The following CATSPERD variants were observed in gnomAD, a reference collection of about 807,000 sequenced individuals.
CATSPERD encodes the protein catsper channel auxiliary subunit delta.
CATSPERD carries 86 observed loss-of-function variants against 98.1 expected under a neutral mutation model. That is an observed-to-expected ratio of 0.88 (90% CI 0.74 to 1.05). CATSPERD has a LOEUF of 1.05. CATSPERD is among the 50% of genes least tolerant of loss of function. CATSPERD has a pLI of 0.00. For synonymous variants in CATSPERD, 394 were observed against 390.2 expected, an observed-to-expected ratio of 1.01 and a Z score of -0.12; for missense variants, 995 against 1,005.7, an observed-to-expected ratio of 0.99 and a Z score of 0.14.
chr19:5,770,798 G>T, intron 18 of CATSPERD, 146 bp from the exon 19 acceptor site: 1 of 915,394 alleles, frequency 1.1e-6, no homozygotes, highest in East Asian at 2.5e-5. Flanking sequence ...TCTGGTCCAT[G>T]GCTCTCAATC....
At chr19:5,776,119 C>T (rs765169514) in intron 20 of CATSPERD, 42 bp from the exon 21 acceptor site, 2 of 1,602,004 alleles carry the variant, frequency 1.2e-6, no homozygotes, top group East Asian at 2.2e-5. Flanking sequence ...GGGCCCCCTC[C>T]CCAGTCCCTA....
chr19:5,776,924 G>A (rs939110871), intron 21 of CATSPERD, among the ~76,000 whole-genome samples: 1 of 151,712 alleles, frequency 6.6e-6, no homozygotes, highest in Non-Finnish European at 1.5e-5. Flanking sequence ...TCAATTTCAT[G>A]TCAGTGGCTT....
Position 5,747,008 on chromosome 19 carries a change from G to T in CATSPERD, c.808+945G>T, listed in dbSNP as rs1237826451. On this transcript the variant is annotated intron_variant, in intron 9 of 21. Coordinates refer to ENST00000381624, the MANE Select transcript of CATSPERD (RefSeq NM_152784.4). ...CAGGCATGTGCCACCATGCCTGGCT[G>T]ATTTTTTTGTATTTTTTGTAGAGAC... Among the ~76,000 whole-genome samples, 7 of 151,322 alleles carry T rather than the reference G, an allele frequency of 4.6e-5. No individual in the cohort carries two copies. In the South Asian group the frequency reaches 6.3e-4, roughly 14 times the overall value.
chr19:5,765,567 T>G (rs1303719864), intron 16 of CATSPERD, among the ~76,000 whole-genome samples: 1 of 152,052 alleles, frequency 6.6e-6, no homozygotes, highest in Non-Finnish European at 1.5e-5. Flanking sequence ...TTCCTAGCAC[T>G]TTGGGAGGCC....
chr19:5,773,635 G>A (rs1365312008), intron 20 of CATSPERD, among the ~76,000 whole-genome samples: 6 of 151,202 alleles, frequency 4.0e-5, no homozygotes, highest in African/African-American at 1.5e-4. Context: ...TCCCACTTCA[G>A]CCTCCCAATT....
intron 16 of CATSPERD, among the ~76,000 whole-genome samples, chr19:5,765,405 T>TATTCATTCATTCATTC: frequency 7.1e-6 from 1 of 141,088 alleles, no homozygotes; most frequent in East Asian, 2.0e-4. Context: ...GCCATTGATT[T>TATTCATTCATTCATTC]ATTCATTCAT....
chr19:5,746,870 T>C (rs991610352), intron 9 of CATSPERD, among the ~76,000 whole-genome samples: 1 of 151,990 alleles, frequency 6.6e-6, no homozygotes, highest in East Asian at 1.9e-4. Flanking sequence ...CGAGTCCTGA[T>C]TGTACTTCTG....
intron 16 of CATSPERD, among the ~76,000 whole-genome samples, chr19:5,764,146 ACCTGGTCTTGAACT>A (rs1028754850): frequency 1.0e-4 from 15 of 147,896 alleles, no homozygotes; most frequent in Non-Finnish European, 1.9e-4. Flanking sequence ...ACTGCGCCCA[ACCTGGTCTTGAACT>A]CCTGGTCTTG....
intron 4 of CATSPERD, 37 bp downstream of exon 4, chr19:5,729,981 A>G (rs765098805): frequency 6.0e-6 from 7 of 1,166,056 alleles, no homozygotes; most frequent in Middle Eastern, 1.9e-4. Context: ...GGATGCTAGT[A>G]TAAGTAATAT....
chr19:5,743,908 G>C (rs1265328983), intron 7 of CATSPERD, among the ~76,000 whole-genome samples: 1 of 152,078 alleles, frequency 6.6e-6, no homozygotes, highest in Non-Finnish European at 1.5e-5. Flanking sequence ...TAGCAGTCTG[G>C]GTCATATCAT....
In CATSPERD at chr19:5,754,125, T is replaced by C. The variant is rs772569532; in HGVS notation, c.1165-7T>C. On this transcript the variant is annotated splice_region_variant and splice_polypyrimidine_tract_variant and intron_variant, in intron 12 of 21. Coordinates refer to ENST00000381624, the MANE Select transcript of CATSPERD (RefSeq NM_152784.4). The stretch of plus-strand genomic sequence containing the variant: ...TGATTATCTTTCTTCTTCGCCTTTT[T>C]AACTAGATAGAGTTTCTGACAGGAG... 1 of 1,575,026 alleles carries C rather than the reference T, an allele frequency of 6.3e-7. No individual in the cohort carries two copies. Among genetic ancestry groups the C allele is most frequent in the South Asian group, 1.1e-5 (1 of 90,286 alleles).
rs1310619616 is a variant in CATSPERD at position 5,759,290 on chromosome 19, G to A, written c.1427+146G>A. ...ACAACACTTTACAAGAGCTGGGCGC[G>A]GTGGCTCACGCCTGCAATCCCAGTA... On this transcript the variant is annotated intron_variant, in intron 15 of 21. Coordinates refer to ENST00000381624, the MANE Select transcript of CATSPERD (RefSeq NM_152784.4). 5.0e-5 allele frequency: 38 copies of A among 767,184 alleles called. 1 individual carries two copies. Among genetic ancestry groups the A allele is most frequent in the South Asian group, 4.5e-4 (30 of 66,892 alleles). 47.5% of individuals were successfully genotyped at this position (767,184 alleles called of 1,614,324 possible).
At chr19:5,759,566 CAAAAA>C (rs35459854) in intron 15 of CATSPERD, among the ~76,000 whole-genome samples, 2 of 84,024 alleles carry the variant, frequency 2.4e-5, no homozygotes, top group Admixed American at 1.4e-4. Flanking sequence ...ACTCCAGCTC[CAAAAA>C]AAAAAAAAAA....
chr19:5,724,655 T>C (rs778355311), intron 1 of CATSPERD, among the ~76,000 whole-genome samples, 153 bp from the exon 2 acceptor site: 2 of 152,142 alleles, frequency 1.3e-5, no homozygotes, highest in Non-Finnish European at 2.9e-5. Flanking sequence ...GCCAAGATCT[T>C]GCCACTGCAC....
In CATSPERD at chr19:5,739,358, T is replaced by C. The variant is rs1250117205; in HGVS notation, c.492T>C (p.Arg164=). ...HVSNLVFAYF[R]GDQISQTYIY... is the part of the protein sequence containing the mutation. Reference sequence around the variant, plus strand: ...GTAATTTGGTTTTTGCATATTTCCGTGGAGATCAGATATCCCAGACTTATA... The same window carrying C: ...GTAATTTGGTTTTTGCATATTTCCGCGGAGATCAGATATCCCAGACTTATA... Residue 164 remains arginine (R), a synonymous_variant, in exon 7 of 22, where the codon CGT becomes CGC. Transcript: ENST00000381624. The C allele has an allele frequency of 6.9e-6, 11 of 1,588,650 alleles. No individual in the cohort carries two copies. In the Admixed American group the frequency reaches 2.0e-4, roughly 29 times the overall value.
In CATSPERD at chr19:5,756,555, C is replaced by T. The variant is rs78771052; in HGVS notation, c.1279-1288C>T. On this transcript the variant is annotated intron_variant, in intron 13 of 21. Transcript: ENST00000381624. ...CATCGTGATCCAAGGGGTGGAAGGG[C>T]GAGTGGGTTTTGTTCTCCTTTTAGT... Among the ~76,000 whole-genome samples the T allele has an allele frequency of 3.0e-3, 463 of 152,148 alleles. 3 individuals carry two copies. The highest frequency in any genetic ancestry group is 0.011 in the African/African-American group (451 of 41,516).
At chr19:5,773,024 G>C in intron 20 of CATSPERD, 59 bp downstream of exon 20, 1 of 1,537,664 alleles carries the variant, frequency 6.5e-7, no homozygotes, top group Non-Finnish European at 8.9e-7. Flanking sequence ...GGGTGGGAGA[G>C]TGCGTGAGGA....
intron 20 of CATSPERD, chr19:5,775,375 C>T (rs552462056): frequency 2.2e-4 from 99 of 442,972 alleles, no homozygotes; most frequent in Non-Finnish European, 4.0e-4. Context: ...GAGGTGGCCA[C>T]GCCTGTAATC....
intron 12 of CATSPERD, among the ~76,000 whole-genome samples, chr19:5,753,872 C>CAA (rs370025485): frequency 4.2e-5 from 6 of 144,426 alleles, no homozygotes; most frequent in African/African-American, 1.5e-4. Context: ...GACCCTGTCT[C>CAA]AAAAAAAAAA....
Sources: gnomAD v4.1 joint callset for allele counts (sites outside exome capture counted in the v4.1 genomes callset) on GRCh38, gnomAD v4.1.1 for gene constraint, MANE v1.5 for transcripts, NCBI Gene and HGNC (gene_info 2026-07-23, HGNC 2026-07-21) for gene names.